IL33: variants seen among roughly 807,000 people sequenced by gnomAD.
IL33 encodes the protein interleukin-33.
A neutral mutation model predicts 27.3 loss-of-function variants in IL33; 37 were observed. The ratio of observed to expected loss-of-function variants is 1.36; its 90% CI spans 1.04 to 1.78. IL33 has a LOEUF of 1.78. IL33 is among the 40% of genes most tolerant of loss of function. IL33 has a pLI of 0.00. For synonymous variants in IL33, 132 were observed against 102.9 expected (o/e 1.28, Z -1.71); for missense variants, 406 against 311.4 (o/e 1.30, Z -2.29).
Position 6,254,502 on chromosome 9 carries a change from T to C in IL33, c.561T>C (p.Ser187=). ...VDGKMLMVTL[S]PTKDFWLHAN... ...GTAAGATGTTAATGGTAACCCTGAGTCCTACAAAAGACTTCTGGTTGCATG... is the reference window on the plus strand; with the variant it reads ...GTAAGATGTTAATGGTAACCCTGAGCCCTACAAAAGACTTCTGGTTGCATG... The change falls in exon 7 of 8, where the codon AGT becomes AGC. Residue 187 remains serine, a synonymous_variant. Transcript: ENST00000682010. The C allele has an allele frequency of 6.3e-7, 1 of 1,598,464 alleles. No individual in the cohort carries two copies. The highest frequency in any genetic ancestry group is 8.5e-7 in the Non-Finnish European group (1 of 1,170,596).
At chr9:6,238,699 T>A (rs908818565) in intron 1 of IL33, among the ~76,000 whole-genome samples, 1 of 152,174 alleles carries the variant, frequency 6.6e-6, no homozygotes, top group Non-Finnish European at 1.5e-5. Flanking sequence ...TAATTTGGTT[T>A]GTTTGTTTGT....
At chr9:6,251,845 GC>G (rs746876291) in intron 4 of IL33, among the ~76,000 whole-genome samples, 26 of 151,402 alleles carry the variant, frequency 1.7e-4, no homozygotes, top group Non-Finnish European at 2.7e-4. Flanking sequence ...TTCAACACCA[GC>G]CTGGCCAACA....
chr9:6,215,554 C>G (rs1818098809), upstream of IL33, among the ~76,000 whole-genome samples: 1 of 152,148 alleles, frequency 6.6e-6, no homozygotes, highest in Non-Finnish European at 1.5e-5. Context: ...TTTAGGAGTT[C>G]AACTCCAAAG....
chr9:6,235,872 T>C (rs1819170671), intron 1 of IL33, among the ~76,000 whole-genome samples: 1 of 152,214 alleles, frequency 6.6e-6, no homozygotes, highest in Non-Finnish European at 1.5e-5. Context: ...TACAAGTTTT[T>C]GGAAGTCAAT....
intron 2 of IL33, chr9:6,242,240 G>A (rs1364505484): frequency 6.6e-6 from 1 of 152,272 alleles, no homozygotes; most frequent in Non-Finnish European, 1.5e-5. Flanking sequence ...AATAACAGAT[G>A]AAGATATTTG....
intron 1 of IL33, among the ~76,000 whole-genome samples, chr9:6,218,732 TATATATATATGTTCTCC>T (rs1818270100): frequency 3.1e-5 from 4 of 130,612 alleles, no homozygotes; most frequent in Non-Finnish European, 5.0e-5. Context: ...ATGTTCTCCA[TATATATATATGTTCTCC>T]ATATATATAT....
At chr9:6,216,499 C>T (rs1818148431) in intron 1 of IL33, among the ~76,000 whole-genome samples, 2 of 152,102 alleles carry the variant, frequency 1.3e-5, no homozygotes, top group South Asian at 4.1e-4. Context: ...CTTTGGGAGG[C>T]CGAGGTGGGT....
At chr9:6,249,975 G>A (rs1587662139) in intron 2 of IL33, among the ~76,000 whole-genome samples, 2 of 152,132 alleles carry the variant, frequency 1.3e-5, no homozygotes, top group African/African-American at 4.8e-5. Flanking sequence ...AGAAAAGATT[G>A]CACATTTCAT....
intron 2 of IL33, chr9:6,242,844 G>C (rs1819609762): frequency 6.5e-6 from 1 of 152,990 alleles, no homozygotes; most frequent in African/African-American, 2.4e-5. Flanking sequence ...GGCTGTACAA[G>C]AAGCATGGTG....
intron 1 of IL33, among the ~76,000 whole-genome samples, chr9:6,239,169 A>G (rs985437220): frequency 1.3e-5 from 2 of 152,212 alleles, no homozygotes; most frequent in African/African-American, 2.4e-5. Context: ...CTCCAGCACA[A>G]AAGAGTGCCT....
At chr9:6,246,350 T>A (rs1819857487) in intron 2 of IL33, among the ~76,000 whole-genome samples, 1 of 151,744 alleles carries the variant, frequency 6.6e-6, no homozygotes, top group African/African-American at 2.4e-5. Flanking sequence ...GATCACGAGG[T>A]CAAGAGATTA....
At chr9:6,242,069 C>CT (rs1819558335) in intron 2 of IL33, 1 of 190,778 alleles carries the variant, frequency 5.2e-6, no homozygotes, top group Admixed American at 5.8e-5. Flanking sequence ...ATATCAACCA[C>CT]TTTTTGCTCC....
intron 1 of IL33, among the ~76,000 whole-genome samples, chr9:6,220,327 G>A (rs1818355883): frequency 6.6e-6 from 1 of 152,116 alleles, no homozygotes; most frequent in Admixed American, 6.6e-5. Flanking sequence ...TTTTGCAATG[G>A]TAAGAATGTT....
At chr9:6,217,993 G>A (rs1818221168) in intron 1 of IL33, among the ~76,000 whole-genome samples, 1 of 152,076 alleles carries the variant, frequency 6.6e-6, no homozygotes, top group Non-Finnish European at 1.5e-5. Context: ...TTTGTCTTTT[G>A]AATACTTAAT....
chr9:6,244,911 G>A (rs1301417755), intron 2 of IL33, among the ~76,000 whole-genome samples: 1 of 152,176 alleles, frequency 6.6e-6, no homozygotes, highest in Admixed American at 6.5e-5. Context: ...AACCACTGCA[G>A]GTGTCCCCAC....
At chr9:6,249,911 C>T (rs1287513982) in intron 2 of IL33, among the ~76,000 whole-genome samples, 1 of 152,118 alleles carries the variant, frequency 6.6e-6, no homozygotes, top group Non-Finnish European at 1.5e-5. Flanking sequence ...ATATCAGTAA[C>T]CTTTGTAGAC....
At chr9:6,251,042 C>G in intron 3 of IL33, 98 bp from the exon 4 acceptor site, 1 of 1,493,874 alleles carries the variant, frequency 6.7e-7, no homozygotes, top group Non-Finnish European at 9.0e-7. Flanking sequence ...TGGAGTCAAT[C>G]ACTACTCTCA....
intron 2 of IL33, among the ~76,000 whole-genome samples, chr9:6,246,113 TGATA>T (rs1411001179): frequency 7.7e-6 from 1 of 130,028 alleles, no homozygotes; most frequent in Admixed American, 8.3e-5. Context: ...GGGTGGATAA[TGATA>T]GATAGTTGTA....
chr9:6,240,376 CT>C (rs1819461855), intron 1 of IL33, among the ~76,000 whole-genome samples: 1 of 152,030 alleles, frequency 6.6e-6, no homozygotes, highest in Non-Finnish European at 1.5e-5. Context: ...GGATAAAAGA[CT>C]ACAGTCAACT....
Sources: gnomAD v4.1 joint callset for allele counts (sites outside exome capture counted in the v4.1 genomes callset) on GRCh38, gnomAD v4.1.1 for gene constraint, MANE v1.5 for transcripts, NCBI Gene and HGNC (gene_info 2026-07-23, HGNC 2026-07-21) for gene names.